COQ10B: variants seen among roughly 807,000 people sequenced by gnomAD.
The protein encoded by COQ10B is coenzyme Q-binding protein COQ10 homolog B, mitochondrial.
Under a neutral mutation model 27.6 loss-of-function variants are expected in COQ10B, and 12 were observed. That is an observed-to-expected ratio of 0.43 (90% CI 0.28 to 0.70). The LOEUF (loss-of-function observed/expected upper bound fraction) is 0.70, where lower values mean the gene tolerates loss of function less well. Ranked by LOEUF, COQ10B falls within the 30% of genes least tolerant of loss-of-function variation. COQ10B has a pLI of 0.17. For missense variants in COQ10B, 278 were observed against 288.7 expected (o/e 0.96, Z 0.27); for synonymous variants, 115 against 103.0 (o/e 1.12, Z -0.71).
chr2:197,467,739 A>G (rs1043357942), intron 3 of COQ10B, among the ~76,000 whole-genome samples: 3 of 152,244 alleles, frequency 2.0e-5, no homozygotes, highest in East Asian at 3.8e-4. Context: ...TACCCAATAC[A>G]GTAAAAATTA....
chr2:197,463,934 C>CAA (rs544425623), intron 3 of COQ10B, among the ~76,000 whole-genome samples: 2 of 13,898 alleles, frequency 1.4e-4, no homozygotes, highest in African/African-American at 5.8e-4. Flanking sequence ...AACTCTGTCT[C>CAA]AAAAAAAAAA....
chr2:197,464,762 G>T (rs926018670), intron 3 of COQ10B, among the ~76,000 whole-genome samples: 1 of 151,882 alleles, frequency 6.6e-6, no homozygotes, highest in South Asian at 2.1e-4. Context: ...ACTTGCCCAA[G>T]GTCACAGAGC....
intron 1 of COQ10B, chr2:197,454,069 T>C: frequency 6.4e-7 from 1 of 1,551,270 alleles, no homozygotes; most frequent in Non-Finnish European, 8.7e-7. Context: ...CTTCTCCGGT[T>C]CCTTCTACCT....
chr2:197,466,543 T>G (rs1434651169), intron 3 of COQ10B, among the ~76,000 whole-genome samples: 1 of 152,212 alleles, frequency 6.6e-6, no homozygotes, highest in Non-Finnish European at 1.5e-5. Context: ...AGCAATACTA[T>G]AATGATGGGA....
At chr2:197,466,324 T>G (rs2085824667) in intron 3 of COQ10B, among the ~76,000 whole-genome samples, 1 of 152,246 alleles carries the variant, frequency 6.6e-6, no homozygotes, top group Non-Finnish European at 1.5e-5. Context: ...CTTACCTTCT[T>G]GATATTCCTT....
intron 3 of COQ10B, among the ~76,000 whole-genome samples, chr2:197,465,447 G>A (rs911822456): frequency 3.9e-5 from 6 of 151,902 alleles, no homozygotes; most frequent in East Asian, 1.9e-4. Flanking sequence ...GTGCCACCAC[G>A]CTCGGCTATT....
Position 197,456,336 on chromosome 2 carries a change from G to A in COQ10B, c.104+2672G>A, listed in dbSNP as rs1412615605. ...AAAAATTACCTGGGTGTGGTGGCGG[G>A]CGCCTGTAGTGCCAGCTACTCGGGA... On this transcript the variant is annotated intron_variant, in intron 1 of 4. Coordinates refer to ENST00000263960, the MANE Select transcript of COQ10B (RefSeq NM_025147.5). 2.6e-5 allele frequency among the ~76,000 whole-genome samples: 4 copies of A among 151,540 alleles called. No individual in the cohort carries two copies. In the East Asian group the frequency reaches 7.7e-4, roughly 29 times the overall value.
intron 2 of COQ10B, 35 bp from the exon 3 acceptor site, chr2:197,462,504 A>C (rs1228086417): frequency 9.1e-6 from 10 of 1,096,168 alleles, no homozygotes; most frequent in East Asian, 5.1e-5. Context: ...AACTAGATGG[A>C]GTTAACACCT....
At position 197,459,974 on chromosome 2, in the gene COQ10B, A is replaced by G. The variant is rs2085738344; in HGVS notation, c.147A>G (p.Pro49=). The G allele has an allele frequency of 6.2e-7, 1 of 1,611,932 alleles. No individual in the cohort carries two copies. Among genetic ancestry groups the G allele is most frequent in the East Asian group, 2.2e-5 (1 of 44,806 alleles). ...GTATACTGATGAGCAGAACTCTTCC[A>G]CTACATACCTCAATTTTGCCTAAGG... is the stretch of plus-strand genomic sequence containing the variant. ...SCGILMSRTL[P]LHTSILPKEI... The change falls in exon 2 of 5, where the codon CCA becomes CCG. Residue 49 remains proline, a synonymous_variant. Transcript: ENST00000263960.
intron 4 of COQ10B, 123 bp from the exon 5 acceptor site, chr2:197,473,634 C>T (rs1339256184): frequency 6.9e-5 from 42 of 612,792 alleles, no homozygotes; most frequent in African/African-American, 5.2e-4. Context: ...TGCAGTGAGC[C>T]GCAATTGTGC....
At chr2:197,467,844 C>T (rs571682838) in intron 3 of COQ10B, among the ~76,000 whole-genome samples, 55 of 152,326 alleles carry the variant, frequency 3.6e-4, no homozygotes, top group African/African-American at 1.3e-3. Context: ...TTCTAGTCTA[C>T]ACTAATCTTT....
At chr2:197,453,760 C>T (rs1230890847) in intron 1 of COQ10B, 96 bp downstream of exon 1, 10 of 1,174,154 alleles carry the variant, frequency 8.5e-6, no homozygotes, top group Non-Finnish European at 1.1e-5. Context: ...CAGAGCCGGA[C>T]TCGGTGCATT....
intron 2 of COQ10B, 133 bp downstream of exon 2, chr2:197,460,214 T>C (rs1297407753): frequency 9.1e-6 from 5 of 547,248 alleles, no homozygotes; most frequent in African/African-American, 4.0e-5. Flanking sequence ...CTTTTTCTTT[T>C]TTTTTTTTTT....
rs1416816071 is a variant in COQ10B at position 197,474,215 on chromosome 2, CTG to C, written c.*293_*294del. 4.4e-6 allele frequency: 1 copy of C among 228,838 alleles called. No homozygotes were observed. The highest frequency in any genetic ancestry group is 8.4e-6 in the Non-Finnish European group (1 of 118,634). The allele number at this position is 228,838 out of a possible 1,614,324, so 14.2% of individuals were successfully genotyped here. On this transcript the variant is annotated 3_prime_UTR_variant, in exon 5 of 5. Transcript: ENST00000263960. ...TGATTCTTCTGAGCAGAAGTTGAAA[CTG>C]TAAATTTAAACCTTTTAATTATCAC...
intron 1 of COQ10B, among the ~76,000 whole-genome samples, chr2:197,456,940 A>G: frequency 6.9e-6 from 1 of 145,510 alleles, no homozygotes; most frequent in Non-Finnish European, 1.5e-5. Context: ...CGATTTCCCA[A>G]CCTTTTTGGC....
At chr2:197,455,193 A>G (rs74900870) in intron 1 of COQ10B, among the ~76,000 whole-genome samples, 4 of 152,168 alleles carry the variant, frequency 2.6e-5, no homozygotes, top group Admixed American at 2.6e-4. Context: ...CAGTAAATAC[A>G]TGAACCTTTA....
In COQ10B at chr2:197,462,601, C is replaced by G. The variant is rs566625191; in HGVS notation, c.317C>G (p.Pro106Arg). The change falls in exon 3 of 5, where the codon CCT (proline) becomes CGT (arginine). Residue 106 changes from proline to arginine, a missense_variant. Pro to Arg is a moderately radical substitution (Grantham distance 103, BLOSUM62 -2). Transcript: ENST00000263960. ...GTGGAGGATTACAAGCATTTTGTTC[C>G]TTGGTGCAAAAAATCAGATGTTATA... ...SGVEDYKHFV[P>R]WCKKSDVISK... 11 of 1,596,564 alleles carry G rather than the reference C, an allele frequency of 6.9e-6. No individual in the cohort carries two copies. Among genetic ancestry groups the G allele is most frequent in the Non-Finnish European group, 9.4e-6 (11 of 1,168,756 alleles).
chr2:197,463,125 A>C (rs2085779503), intron 3 of COQ10B, among the ~76,000 whole-genome samples: 2 of 152,190 alleles, frequency 1.3e-5, no homozygotes, highest in Admixed American at 1.3e-4. Flanking sequence ...TAAAGAAGGA[A>C]TGGTGGGGAA....
At chr2:197,466,070 CAAT>C (rs2085821856) in intron 3 of COQ10B, among the ~76,000 whole-genome samples, 1 of 152,166 alleles carries the variant, frequency 6.6e-6, no homozygotes, top group South Asian at 2.1e-4. Context: ...CCAGCCTGGA[CAAT>C]GAGTGAAATT....
Sources: gnomAD v4.1 joint callset for allele counts (sites outside exome capture counted in the v4.1 genomes callset) on GRCh38, gnomAD v4.1.1 for gene constraint, MANE v1.5 for transcripts, NCBI Gene and HGNC (gene_info 2026-07-23, HGNC 2026-07-21) for gene names.